TAB2: variants seen among roughly 807,000 people sequenced by gnomAD.
TAB2 encodes the protein TGF-beta-activated kinase 1 and MAP3K7-binding protein 2.
In TAB2, 3 loss-of-function variants were observed where a neutral mutation model predicts 65.0. The observed-to-expected ratio is 0.05, with a 90% CI of 0.02 to 0.12. The LOEUF (loss-of-function observed/expected upper bound fraction) is 0.12. Among genes scored for constraint, TAB2 ranks in the 10% least tolerant of loss-of-function variants. TAB2 has a pLI of 1.00. For missense variants in TAB2, 623 were observed against 840.3 expected, an observed-to-expected ratio of 0.74 and a Z score of 3.20; for synonymous variants, 298 against 285.1, an observed-to-expected ratio of 1.05 and a Z score of -0.46.
At chr6:149,324,773 G>A (rs1414477199) in intron 1 of TAB2, among the ~76,000 whole-genome samples, 1 of 152,118 alleles carries the variant, frequency 6.6e-6, no homozygotes, top group South Asian at 2.1e-4. Flanking sequence ...ATATGAACTG[G>A]GGCCATAGGG....
rs142885749 is a variant in TAB2, at chr6:149,239,476, C to A, written c.-121+20700C>A. 1.3e-3 allele frequency among the ~76,000 whole-genome samples: 199 copies of A among 152,358 alleles called. 1 individual carries two copies. Among genetic ancestry groups the A allele is most frequent in the African/African-American group, 3.8e-3 (157 of 41,582 alleles). On this transcript the variant is annotated intron_variant, in intron 1 of 1. Coordinates refer to the TAB2 transcript ENST00000606202. ...TCACGGTGATCAAAGGTGCTCTAAG[C>A]ACTGTGGCTGAGGCTTTGCCATAAT...
chr6:149,367,715 G>A (rs1274917164), intron 1 of TAB2, among the ~76,000 whole-genome samples: 1 of 152,126 alleles, frequency 6.6e-6, no homozygotes, highest in African/African-American at 2.4e-5. Flanking sequence ...GCAGTAACAA[G>A]TGGGAAAAAT....
At chr6:149,255,067 C>A (rs1777987027) in intron 1 of TAB2, among the ~76,000 whole-genome samples, 1 of 152,164 alleles carries the variant, frequency 6.6e-6, no homozygotes, top group Admixed American at 6.5e-5. Context: ...ACGTTATGGA[C>A]TAATTGTTGA....
At chr6:149,359,021 T>G (rs1420718508) in intron 1 of TAB2, among the ~76,000 whole-genome samples, 1 of 152,158 alleles carries the variant, frequency 6.6e-6, no homozygotes, top group East Asian at 1.9e-4. Flanking sequence ...CTTATTGTTA[T>G]GATTTCCTTT....
chr6:149,280,717 A>C (rs1256501708), intron 1 of TAB2, among the ~76,000 whole-genome samples: 4 of 152,074 alleles, frequency 2.6e-5, no homozygotes, highest in African/African-American at 9.7e-5. Context: ...AAGGCAGGAG[A>C]ATCACTTGAG....
intron 1 of TAB2, among the ~76,000 whole-genome samples, chr6:149,275,234 G>GAAAGAAAGAAAGAA (rs1554255826): frequency 1.2e-4 from 8 of 65,390 alleles, no homozygotes; most frequent in African/African-American, 7.0e-4. Flanking sequence ...GGGAGAGAGA[G>GAAAGAAAGAAAGAA]AGAAAGAAAG....
intron 1 of TAB2, among the ~76,000 whole-genome samples, chr6:149,296,437 T>C (rs1395286682): frequency 2.0e-5 from 3 of 152,206 alleles, no homozygotes; most frequent in Non-Finnish European, 2.9e-5. Flanking sequence ...CTTTCTTGCT[T>C]TTCTCTGTGG....
At chr6:149,266,456 C>A (rs917071286) in intron 1 of TAB2, among the ~76,000 whole-genome samples, 6 of 152,190 alleles carry the variant, frequency 3.9e-5, no homozygotes, top group African/African-American at 1.4e-4. Flanking sequence ...GCTGGGATTT[C>A]GTGCTCACTG....
At chr6:149,254,121 A>AAGGAAGGAAGGAC (rs1583049186) in intron 1 of TAB2, among the ~76,000 whole-genome samples, 2 of 139,422 alleles carry the variant, frequency 1.4e-5, no homozygotes, top group East Asian at 4.9e-4. Flanking sequence ...AAGGACAGGG[A>AAGGAAGGAAGGAC]AGGGAAGGGA....
chr6:149,336,988 A>T (rs1031102755), intron 1 of TAB2, among the ~76,000 whole-genome samples: 4 of 152,162 alleles, frequency 2.6e-5, no homozygotes, highest in Admixed American at 6.5e-5. Context: ...ATTTACTTTT[A>T]ATAAGATTTT....
At chr6:149,386,232 TAA>T (rs754330716) in intron 3 of TAB2, among the ~76,000 whole-genome samples, 32 of 152,336 alleles carry the variant, frequency 2.1e-4, no homozygotes, top group African/African-American at 7.0e-4. Flanking sequence ...TTAAATATAT[TAA>T]GTTACGTAAA....
Position 149,378,679 on chromosome 6 carries a change from C to T in TAB2, c.764C>T (p.Pro255Leu), listed in dbSNP as rs748656776. The change falls in exon 3 of 7, where the codon CCC becomes CTC. Residue 255 changes from proline to leucine, a missense_variant. Coordinates refer to ENST00000637181, the MANE Select transcript of TAB2 (RefSeq NM_001292034.3). ...GTTTATCAGCCTTCACAGCCTGGTC[C>T]CTGGACTACTTGTCCTGCATCTAAT... Reference protein sequence around the residue: ...QQVYQPSQPGPWTTCPASNPL... With the variant: ...QQVYQPSQPGLWTTCPASNPL... The T allele has an allele frequency of 5.6e-6, 9 of 1,613,818 alleles. No homozygotes were observed. The highest frequency in any genetic ancestry group is 2.2e-5 in the East Asian group (1 of 44,880).
intron 6 of TAB2, among the ~76,000 whole-genome samples, chr6:149,403,247 A>AAAATAT (rs1554265371): frequency 2.0e-4 from 9 of 44,038 alleles, no homozygotes; most frequent in Non-Finnish European, 2.9e-4. Flanking sequence ...AAAAAAAAAA[A>AAAATAT]ATATATATAT....
chr6:149,230,751 T>C (rs1284083174), intron 1 of TAB2, among the ~76,000 whole-genome samples: 1 of 152,182 alleles, frequency 6.6e-6, no homozygotes, highest in Non-Finnish European at 1.5e-5. Flanking sequence ...TACAAGGCCG[T>C]AAGGATGAGC....
intron 1 of TAB2, among the ~76,000 whole-genome samples, chr6:149,253,954 AAGAAAAAG>A (rs1777919620): frequency 6.7e-5 from 6 of 89,520 alleles, no homozygotes; most frequent in Non-Finnish European, 7.2e-5. Flanking sequence ...GAAAGAAAGA[AAGAAAAAG>A]AAAGAAAGAA....
At chr6:149,226,297 C>T (rs750631220) in intron 1 of TAB2, among the ~76,000 whole-genome samples, 2 of 152,140 alleles carry the variant, frequency 1.3e-5, no homozygotes, top group African/African-American at 2.4e-5. Flanking sequence ...CAAAACTTAA[C>T]GGGTAGGAGA....
At chr6:149,318,161 C>G (rs986440903) in intron 1 of TAB2, 146 bp downstream of exon 1, 1 of 152,878 alleles carries the variant, frequency 6.5e-6, no homozygotes, top group African/African-American at 2.4e-5. Flanking sequence ...CTCTTCCTCC[C>G]TCCGCCTCTT....
chr6:149,278,043 C>T (rs1255579658), intron 1 of TAB2, among the ~76,000 whole-genome samples: 1 of 152,200 alleles, frequency 6.6e-6, no homozygotes, highest in Non-Finnish European at 1.5e-5. Flanking sequence ...AATTTGTCTC[C>T]TGCAGGGACA....
chr6:149,249,794 C>T (rs1777822489), intron 1 of TAB2, among the ~76,000 whole-genome samples: 1 of 152,216 alleles, frequency 6.6e-6, no homozygotes, highest in Admixed American at 6.5e-5. Context: ...GCCTACTTGG[C>T]TGCAGGCCCG....
Sources: allele counts gnomAD v4.1 joint callset (sites outside exome capture counted in the v4.1 genomes callset), GRCh38; gene constraint gnomAD v4.1.1; transcripts MANE v1.5; gene names NCBI Gene and HGNC (gene_info 2026-07-23, HGNC 2026-07-21).